Variants in TENM3 observed in about 807,000 individuals in gnomAD.
TENM3 encodes the protein teneurin-3.
A neutral mutation model predicts 255.1 loss-of-function variants in TENM3; 63 were observed. The ratio of observed to expected loss-of-function variants is 0.25; its 90% confidence interval spans 0.20 to 0.30. TENM3 has a LOEUF of 0.30. Among genes scored for constraint, TENM3 ranks in the 10% least tolerant of loss-of-function variants. TENM3 has a pLI of 1.00. For synonymous variants in TENM3, 1,306 were observed against 1,322.3 expected, an observed-to-expected ratio of 0.99 and a Z score of 0.27; for missense variants, 2,929 against 3,461.1, an observed-to-expected ratio of 0.85 and a Z score of 3.86.
chr4:181,691,910 G>C, the TENM3 span, among the ~76,000 whole-genome samples: 1 of 152,134 alleles, frequency 6.6e-6, no homozygotes, highest in Non-Finnish European at 1.5e-5. Context: ...CTAACGCTGT[G>C]GATATAATTA....
rs552876288 is a variant in TENM3 at position 182,616,312 on chromosome 4, C to T, written c.750-12339C>T. ...TGCGGTGTTTGGTTTTTTGTTCTTG[C>T]GATAGTTTACTGAGAATGATGGTCA... On this transcript the variant is annotated intron_variant, in intron 4 of 27. Transcript: ENST00000511685. Among the ~76,000 whole-genome samples the T allele has an allele frequency of 1.1e-4, 16 of 143,608 alleles. No individual in the cohort carries two copies. In the South Asian group the frequency reaches 2.0e-3, roughly 18 times the overall value. 94.2% of individuals were successfully genotyped at this position (143,608 alleles called of 152,430 possible).
intron 1 of TENM3, among the ~76,000 whole-genome samples, chr4:182,314,478 C>A (rs766849350): frequency 6.6e-6 from 1 of 152,214 alleles, no homozygotes; most frequent in Non-Finnish European, 1.5e-5. Flanking sequence ...ACATACAGAT[C>A]AGCTGCATTC....
At chr4:182,648,701 T>G (rs1752981862) in intron 5 of TENM3, among the ~76,000 whole-genome samples, 1 of 152,202 alleles carries the variant, frequency 6.6e-6, no homozygotes, top group Non-Finnish European at 1.5e-5. Flanking sequence ...CAGAAACCTC[T>G]AGGGACTATG....
the TENM3 span, among the ~76,000 whole-genome samples, chr4:181,628,599 C>T: frequency 6.6e-6 from 1 of 152,082 alleles, no homozygotes. Context: ...GAATCCTTTC[C>T]CCATTGCTTG....
the TENM3 span, among the ~76,000 whole-genome samples, chr4:181,801,039 G>A: frequency 6.6e-6 from 1 of 152,110 alleles, no homozygotes; most frequent in Non-Finnish European, 1.5e-5. Context: ...GCACCTGAGA[G>A]GGTAGAAGGA....
At chr4:182,080,982 C>A in the TENM3 span, among the ~76,000 whole-genome samples, 2 of 151,948 alleles carry the variant, frequency 1.3e-5, no homozygotes, top group African/African-American at 2.4e-5. Context: ...CAGAGCAACA[C>A]CCTGTCTCAA....
At chr4:182,428,458 C>T (rs74459351) in intron 3 of TENM3, among the ~76,000 whole-genome samples, 165 of 151,916 alleles carry the variant, frequency 1.1e-3, no homozygotes, top group African/African-American at 3.7e-3. Context: ...TTTATCTCCA[C>T]GTTCACTTTC....
chr4:182,160,031 C>G (rs1278490858), intron 1 of TENM3, among the ~76,000 whole-genome samples: 1 of 138,474 alleles, frequency 7.2e-6, no homozygotes. Flanking sequence ...GAGACGGAGT[C>G]TCGCTCTGTC....
At chr4:182,129,246 A>C in the TENM3 span, among the ~76,000 whole-genome samples, 5 of 152,236 alleles carry the variant, frequency 3.3e-5, no homozygotes, top group African/African-American at 1.2e-4. Flanking sequence ...GATTTGAATT[A>C]CTACCTACAT....
At chr4:181,507,622 C>T in the TENM3 span, among the ~76,000 whole-genome samples, 1 of 152,212 alleles carries the variant, frequency 6.6e-6, no homozygotes, top group Non-Finnish European at 1.5e-5. Context: ...CTGACACACA[C>T]GCATGCATTT....
At chr4:182,152,810 G>A (rs1189962263) in intron 1 of TENM3, among the ~76,000 whole-genome samples, 6 of 151,726 alleles carry the variant, frequency 4.0e-5, no homozygotes, top group East Asian at 3.8e-4. Context: ...GATAGTAGAT[G>A]CTACAGAATT....
the TENM3 span, among the ~76,000 whole-genome samples, chr4:181,643,795 G>A: frequency 3.3e-5 from 5 of 152,294 alleles, no homozygotes; most frequent in Non-Finnish European, 7.3e-5. Context: ...TGTCAAGGGT[G>A]GGCTGGTGTG....
the TENM3 span, among the ~76,000 whole-genome samples, chr4:181,521,250 C>G: frequency 2.0e-5 from 3 of 152,240 alleles, no homozygotes; most frequent in African/African-American, 7.2e-5. Flanking sequence ...GGATTGCATC[C>G]TGGAGGAGCA....
chr4:182,772,924 G>A (rs944387575), intron 22 of TENM3, among the ~76,000 whole-genome samples: 2 of 152,138 alleles, frequency 1.3e-5, no homozygotes, highest in African/African-American at 4.8e-5. Context: ...TTACCATTAT[G>A]AAGTATGTCA....
chr4:181,721,683 G>A, the TENM3 span, among the ~76,000 whole-genome samples: 1 of 151,178 alleles, frequency 6.6e-6, no homozygotes, highest in African/African-American at 2.4e-5. Flanking sequence ...CAGGGAAGAT[G>A]GAAGTCAAAC....
At chr4:181,891,523 C>T in the TENM3 span, among the ~76,000 whole-genome samples, 1 of 152,086 alleles carries the variant, frequency 6.6e-6, no homozygotes, top group South Asian at 2.1e-4. Context: ...TCTTTATCTC[C>T]TTTCTTGCTT....
At chr4:181,570,171 G>A in the TENM3 span, among the ~76,000 whole-genome samples, 3 of 149,510 alleles carry the variant, frequency 2.0e-5, no homozygotes, top group African/African-American at 7.4e-5. Flanking sequence ...TCAGCCTCCC[G>A]AGTAGCTGGG....
the TENM3 span, among the ~76,000 whole-genome samples, chr4:181,493,652 C>CA: frequency 1.3e-5 from 2 of 151,882 alleles, no homozygotes; most frequent in Non-Finnish European, 2.9e-5. Context: ...GAGGCTGAGG[C>CA]AGGAGGCACA....
the TENM3 span, among the ~76,000 whole-genome samples, chr4:181,504,714 T>C: frequency 6.6e-6 from 1 of 152,208 alleles, no homozygotes. Context: ...ACACTTTAAA[T>C]GGCAACGCAC....
Sources: gnomAD v4.1 joint callset for allele counts (sites outside exome capture counted in the v4.1 genomes callset) on GRCh38, gnomAD v4.1.1 for gene constraint, MANE v1.5 for transcripts, NCBI Gene and HGNC (gene_info 2026-07-23, HGNC 2026-07-21) for gene names.